Variants in CSF1 observed in about 807,000 individuals in gnomAD.
The protein encoded by CSF1 is macrophage colony-stimulating factor 1.
Under a neutral mutation model 48.9 loss-of-function variants are expected in CSF1, and 9 were observed. That is an observed-to-expected ratio of 0.18 (90% CI 0.11 to 0.32). CSF1 has a LOEUF of 0.32. Among genes scored for constraint, CSF1 ranks in the 10% least tolerant of loss-of-function variants. CSF1 has a pLI of 1.00. For missense variants in CSF1, 672 were observed against 697.9 expected (o/e 0.96, Z 0.42); for synonymous variants, 305 against 284.1 (o/e 1.07, Z -0.74).
chr1:109,920,149 G>A lies in CSF1; in HGVS notation c.397-1698G>A, dbSNP rs1647461815. Among the ~76,000 whole-genome samples, 4 of 151,496 alleles carry A rather than the reference G, an allele frequency of 2.6e-5. 1 individual carries two copies. ...CAAGTCTCTGGAGAAGACAGTGGGA[G>A]GGATTCAGAGCTCCTGAGGGAGAGT... On this transcript the variant is annotated intron_variant, in intron 4 of 8. Transcript: ENST00000329608.
In CSF1 at chr1:109,923,849, C is replaced by A; in HGVS notation, c.1228C>A (p.Pro410Thr). ...CTCTCCCAGGATCTCATCACTGCGCCCCCAGGGCCTCAGCAACCCCTCCAC... is the reference window on the plus strand; with the variant it reads ...CTCTCCCAGGATCTCATCACTGCGCACCCAGGGCCTCAGCAACCCCTCCAC... ...PGSPRISSLRPQGLSNPSTLS... is the reference protein window; with the variant it reads ...PGSPRISSLRTQGLSNPSTLS... Residue 410 changes from proline to threonine, a missense_variant, in exon 6 of 9, where the codon CCC becomes ACC. Around this residue, in one of 3 missense-constraint regions of CSF1, gnomAD observed 591 missense variants for 593.6 expected, o/e 1.00. Coordinates refer to ENST00000329608, the MANE Select transcript of CSF1 (RefSeq NM_000757.6). 6.2e-7 allele frequency: 1 copy of A among 1,613,982 alleles called. No individual in the cohort carries two copies. Among genetic ancestry groups the A allele is most frequent in the Non-Finnish European group, 8.5e-7 (1 of 1,179,904 alleles).
At chr1:109,927,060 T>C (rs1179189894) in intron 8 of CSF1, among the ~76,000 whole-genome samples, 1 of 152,202 alleles carries the variant, frequency 6.6e-6, no homozygotes, top group Non-Finnish European at 1.5e-5. Flanking sequence ...GCTGGGTGAA[T>C]GACTAACCAA....
At chr1:109,927,776 G>A (rs1318399257) in intron 8 of CSF1, among the ~76,000 whole-genome samples, 1 of 152,220 alleles carries the variant, frequency 6.6e-6, no homozygotes, top group Non-Finnish European at 1.5e-5. Context: ...TGAGAAGTGA[G>A]AGAGAGAAAC....
At chr1:109,913,255 TA>T (rs1041644772) in intron 1 of CSF1, among the ~76,000 whole-genome samples, 1 of 152,190 alleles carries the variant, frequency 6.6e-6, no homozygotes, top group Non-Finnish European at 1.5e-5. Context: ...ACCTTCACCC[TA>T]CCCTGCCAGC....
In CSF1 at chr1:109,917,359, C is replaced by T. The variant is rs779801711; in HGVS notation, c.292C>T (p.Arg98Cys). 1.2e-6 allele frequency: 2 copies of T among 1,614,048 alleles called. No individual in the cohort carries two copies. The highest frequency in any genetic ancestry group is 1.7e-6 in the Non-Finnish European group (2 of 1,180,032). The change falls in exon 4 of 9, where the codon CGC becomes TGC. Residue 98 changes from arginine to cysteine, a missense_variant. Physicochemically the swap from Arg to Cys is radical, Grantham distance 180 (BLOSUM62 -3). Coordinates refer to ENST00000329608, the MANE Select transcript of CSF1 (RefSeq NM_000757.6). ...ACAAGACATAATGGAGGACACCATG[C>T]GCTTCAGAGATAACACCCCCAATGC... ...LVQDIMEDTMRFRDNTPNAIA... is the reference protein window; with the variant it reads ...LVQDIMEDTMCFRDNTPNAIA...
Position 109,923,173 on chromosome 1 carries a change from G to A in CSF1, c.552G>A (p.Val184=), listed in dbSNP as rs781684480. ...SFAECSSQDV[V]TKPDCNCLYP... ...TCTCTGTGGTTCTTTCAGATGTGGT[G>A]ACCAAGCCTGATTGCAACTGCCTGT... The change falls in exon 6 of 9, where the codon GTG becomes GTA. Residue 184 remains valine, a synonymous_variant. Coordinates refer to ENST00000329608, the MANE Select transcript of CSF1 (RefSeq NM_000757.6). The A allele has an allele frequency of 6.6e-7, 1 of 1,517,034 alleles. No individual in the cohort carries two copies. The highest frequency in any genetic ancestry group is 8.8e-7 in the Non-Finnish European group (1 of 1,132,700). 94.0% of individuals were successfully genotyped at this position (1,517,034 alleles called of 1,614,324 possible).
At chr1:109,911,442 G>A (rs1455692370) in intron 1 of CSF1, among the ~76,000 whole-genome samples, 2 of 152,256 alleles carry the variant, frequency 1.3e-5, no homozygotes, top group Non-Finnish European at 2.9e-5. Context: ...TGCCCTCCCC[G>A]GTGGGCACCT....
intron 1 of CSF1, among the ~76,000 whole-genome samples, chr1:109,912,129 G>A (rs1570784631): frequency 6.6e-6 from 1 of 151,926 alleles, no homozygotes; most frequent in Non-Finnish European, 1.5e-5. Context: ...AGAGTTGAGA[G>A]GGGAAGGGAG....
chr1:109,913,625 T>C (rs567156523), intron 1 of CSF1, among the ~76,000 whole-genome samples: 1 of 152,376 alleles, frequency 6.6e-6, no homozygotes, highest in Admixed American at 6.5e-5. Context: ...GGATGGCCCA[T>C]TACTGGCACT....
At chr1:109,924,574 G>C (rs1298065555) in intron 6 of CSF1, among the ~76,000 whole-genome samples, 1 of 152,152 alleles carries the variant, frequency 6.6e-6, no homozygotes, top group Non-Finnish European at 1.5e-5. Context: ...GCCTGCAAGG[G>C]TGTGGGGAGA....
In CSF1 at chr1:109,923,612, G is replaced by T; in HGVS notation, c.991G>T (p.Gly331Cys). 1 of 1,614,148 alleles carries T rather than the reference G, an allele frequency of 6.2e-7. No homozygotes were observed. The highest frequency in any genetic ancestry group is 8.5e-7 in the Non-Finnish European group (1 of 1,180,014). Residue 331 changes from glycine (G) to cysteine (C), a missense_variant, in exon 6 of 9, where the codon GGC (glycine) becomes TGC (cysteine). Around this residue, in one of 3 missense-constraint regions of CSF1, gnomAD observed 591 missense variants for 593.6 expected, o/e 1.00. Transcript: ENST00000329608. ...GCTTTCCCCCTCCAGGCCAGGAGGG[G>T]GCAGCATGCAGACAGAGCCCGCCAG... is the stretch of plus-strand genomic sequence containing the variant. ...TELSPSRPGG[G>C]SMQTEPARPS... is the part of the protein sequence containing the mutation.
chr1:109,925,057 C>A, intron 7 of CSF1, 90 bp from the exon 8 acceptor site: 2 of 1,229,756 alleles, frequency 1.6e-6, no homozygotes, highest in African/African-American at 1.5e-5. Context: ...GGGCCTAGAG[C>A]ATGTCTGGGG....
chr1:109,918,951 C>T (rs1647387482), intron 4 of CSF1, among the ~76,000 whole-genome samples: 1 of 151,828 alleles, frequency 6.6e-6, no homozygotes, highest in African/African-American at 2.4e-5. Context: ...GGGGACCTGG[C>T]AAGGGGCAGC....
chr1:109,925,215 CT>C lies in CSF1; in HGVS notation c.*13+16del. On this transcript the variant is annotated intron_variant, in intron 8 of 8. Coordinates refer to ENST00000329608, the MANE Select transcript of CSF1 (RefSeq NM_000757.6). ...AGGGAATTCTAAGGTAAGATTCTGA[CT>C]TTGATCTCCACTCCTAAAACTTACC... is the stretch of plus-strand genomic sequence containing the variant. 1 of 1,610,950 alleles carries C rather than the reference CT, an allele frequency of 6.2e-7. No individual in the cohort carries two copies. Among genetic ancestry groups the C allele is most frequent in the Non-Finnish European group, 8.5e-7 (1 of 1,177,182 alleles).
chr1:109,924,258 A>T, intron 6 of CSF1, 68 bp downstream of exon 6: 5 of 1,398,004 alleles, frequency 3.6e-6, no homozygotes, highest in Non-Finnish European at 3.8e-6. Context: ...GCGGGGGTGC[A>T]GGTGGGGGGA....
rs116227994 is a variant in CSF1, at chr1:109,912,480, C to A, written c.39+1418C>A. On this transcript the variant is annotated intron_variant, in intron 1 of 8. Transcript: ENST00000329608. ...GATGCAAGCCAGAGTGTTAACCCCC[C>A]ACTGTCTGTCCAGATCCTCCTGAGG... Among the ~76,000 whole-genome samples the A allele has an allele frequency of 6.6e-3, 1,000 of 152,272 alleles. 10 individuals carry two copies. Among genetic ancestry groups the A allele is most frequent in the African/African-American group, 0.022 (907 of 41,538 alleles).
In CSF1 at chr1:109,923,314, C is replaced by T. The variant is rs1647653310; in HGVS notation, c.693C>T (p.Gly231=). Residue 231 remains glycine, a synonymous_variant, in exon 6 of 9, where the codon GGC becomes GGT. Transcript: ENST00000329608. ...LTWEDSEGTE[G]SSLLPGEQPL... ...GGGAGGACTCTGAGGGAACTGAGGG[C>T]AGCTCCCTCTTGCCTGGTGAGCAGC... The T allele has an allele frequency of 1.2e-6, 2 of 1,612,578 alleles. No individual in the cohort carries two copies. The highest frequency in any genetic ancestry group is 2.7e-5 in the African/African-American group (2 of 74,896).
At position 109,911,097 on chromosome 1, in the gene CSF1, G is replaced by GC. The variant is rs1453321547; in HGVS notation, c.39+36dup. 1.7e-4 allele frequency: 175 copies of GC among 1,022,686 alleles called. 1 individual carries two copies. Among genetic ancestry groups the GC allele is most frequent in the Non-Finnish European group, 2.0e-4 (171 of 855,706 alleles). The allele number at this position is 1,022,686 out of a possible 1,614,324, so 63.4% of individuals were successfully genotyped here. On this transcript the variant is annotated intron_variant, in intron 1 of 8. Coordinates refer to ENST00000329608, the MANE Select transcript of CSF1 (RefSeq NM_000757.6). ...GGCCGCGGCGCTGGGCCCGGGACGG[G>GC]CTGGGGCGGGGGCTCGGCGGCCAGG...
chr1:109,924,262 G>C (rs370727907), intron 6 of CSF1, 72 bp downstream of exon 6: 214 of 1,387,782 alleles, frequency 1.5e-4, no homozygotes, highest in Middle Eastern at 2.5e-4. Context: ...GGGTGCAGGT[G>C]GGGGGACAGC....
Sources: allele counts gnomAD v4.1 joint callset (sites outside exome capture counted in the v4.1 genomes callset), GRCh38; gene constraint gnomAD v4.1.1; regional missense constraint gnomAD v4.1.1; transcripts MANE v1.5; gene names NCBI Gene and HGNC (gene_info 2026-07-23, HGNC 2026-07-21).